The following KCNC1 variants were observed in gnomAD, a reference collection of about 807,000 sequenced individuals.
KCNC1 encodes the protein voltage-gated potassium channel KCNC1.
In KCNC1, 8 loss-of-function variants were observed where a neutral mutation model predicts 43.4. The observed-to-expected ratio is 0.18, with a 90% CI of 0.11 to 0.33. The LOEUF (loss-of-function observed/expected upper bound fraction) is 0.33. KCNC1 is among the 10% of genes least tolerant of loss of function. The pLI, the probability that KCNC1 is intolerant of heterozygous loss-of-function variation, is 1.00. For synonymous variants in KCNC1, 361 were observed against 360.5 expected (o/e 1.00, Z -0.01); for missense variants, 420 against 836.0 (o/e 0.50, Z 6.14).
chr11:17,736,566 C>A lies in KCNC1; in HGVS notation c.564C>A (p.Tyr188Ter). The A allele has an allele frequency of 6.5e-7, 1 of 1,534,078 alleles. No individual in the cohort carries two copies. Among genetic ancestry groups the A allele is most frequent in the Non-Finnish European group, 8.7e-7 (1 of 1,151,126 alleles). ...TCGAGGACCCGTACTCGTCCCGCTACGCGCGGGTAAGTGACAATTTACCCA... is the reference window on the plus strand; with the variant it reads ...TCGAGGACCCGTACTCGTCCCGCTAAGCGCGGGTAAGTGACAATTTACCCA... ...ALFEDPYSSR[Y>*]ARYVAFASLF... The change falls in exon 1 of 4, where the codon TAC (tyrosine) becomes TAA (stop). Residue 188 changes from tyrosine to a stop codon, truncating the protein, a stop_gained. Transcript: ENST00000265969. LOFTEE classifies it high-confidence loss of function. This position sits in a 1 kb window ranked among gnomAD's most constrained non-coding sequence, Gnocchi z 9.3.
intron 1 of KCNC1, among the ~76,000 whole-genome samples, chr11:17,751,294 A>T (rs1250367307): frequency 6.6e-6 from 1 of 152,192 alleles, no homozygotes; most frequent in African/African-American, 2.4e-5. Flanking sequence ...TAGATGAAAG[A>T]ATGGATAAAA....
In KCNC1 at chr11:17,768,080, C is replaced by T. The variant is rs573145165; in HGVS notation, c.571-3585C>T. 3.2e-4 allele frequency among the ~76,000 whole-genome samples: 48 copies of T among 152,288 alleles called. 1 individual carries two copies. In the South Asian group the frequency reaches 7.7e-3, roughly 24 times the overall value. On this transcript the variant is annotated intron_variant, in intron 1 of 3. Coordinates refer to ENST00000265969, the MANE Select transcript of KCNC1 (RefSeq NM_001112741.2). ...CCCTGTCTGGGCTGTTCCTGTGAGC[C>T]TCCCCATGCACTAAAGAGCTGGAGT...
In KCNC1 at chr11:17,753,850, C is replaced by T. The variant is rs189180302; in HGVS notation, c.570+17278C>T. 2.5e-3 allele frequency among the ~76,000 whole-genome samples: 387 copies of T among 152,310 alleles called. 13 individuals carry two copies. The highest frequency in any genetic ancestry group is 0.025 in the Admixed American group (378 of 15,306). ...AATTCCGATGCCCAGATTCCAGATT[C>T]GCCACTCCAGTGCCCGCATCCAGGT... is the stretch of plus-strand genomic sequence containing the variant. On this transcript the variant is annotated intron_variant, in intron 1 of 3. Coordinates refer to ENST00000265969, the MANE Select transcript of KCNC1 (RefSeq NM_001112741.2).
At position 17,771,560 on chromosome 11, in the gene KCNC1, G is replaced by A; in HGVS notation, c.571-105G>A. 2 of 960,550 alleles carry A rather than the reference G, an allele frequency of 2.1e-6. No individual in the cohort carries two copies. Among genetic ancestry groups the A allele is most frequent in the South Asian group, 1.6e-5 (1 of 63,140 alleles). 59.5% of individuals were successfully genotyped at this position (960,550 alleles called of 1,614,324 possible). Reference sequence around the variant, plus strand: ...ATGTAGCACGTGCTGCAGGGGGCCTGGTGCTGGCATCTCCCCCCGCCTGGC... The same window carrying A: ...ATGTAGCACGTGCTGCAGGGGGCCTAGTGCTGGCATCTCCCCCCGCCTGGC... On this transcript the variant is annotated intron_variant, in intron 1 of 3. Coordinates refer to ENST00000265969, the MANE Select transcript of KCNC1 (RefSeq NM_001112741.2). The surrounding 1 kb of genome is among the most constrained non-coding windows in gnomAD (Gnocchi z 4.7).
intron 1 of KCNC1, among the ~76,000 whole-genome samples, chr11:17,760,924 A>G (rs1342080576): frequency 6.6e-6 from 1 of 152,208 alleles, no homozygotes; most frequent in Non-Finnish European, 1.5e-5. Flanking sequence ...AAGACTCAGG[A>G]AGCTGTTGTC....
At chr11:17,768,116 C>T (rs1219577173) in intron 1 of KCNC1, among the ~76,000 whole-genome samples, 3 of 152,138 alleles carry the variant, frequency 2.0e-5, no homozygotes, top group African/African-American at 4.8e-5. Flanking sequence ...CGGAGATGGG[C>T]TTGCTGCCTC....
Position 17,782,178 on chromosome 11 carries a change from C to A in KCNC1, c.*444C>A. The A allele has an allele frequency of 6.4e-6, 1 of 156,222 alleles. No individual in the cohort carries two copies. Among genetic ancestry groups the A allele is most frequent in the Non-Finnish European group, 1.4e-5 (1 of 70,994 alleles). The allele number at this position is 156,222 out of a possible 1,614,324, so 9.7% of individuals were successfully genotyped here. On this transcript the variant is annotated 3_prime_UTR_variant, in exon 4 of 4. Coordinates refer to ENST00000265969, the MANE Select transcript of KCNC1 (RefSeq NM_001112741.2). The stretch of plus-strand genomic sequence containing the variant: ...TAACGGCGTTCAGTAGAAACCTGTA[C>A]ATTTCTGGGGGTGAGGGGCGAGGGG...
At chr11:17,737,011 G>C (rs1342420003) in intron 1 of KCNC1, among the ~76,000 whole-genome samples, 3 of 152,194 alleles carry the variant, frequency 2.0e-5, no homozygotes, top group African/African-American at 7.2e-5. Flanking sequence ...TGTGGGGAGG[G>C]AAGCTGGGAG....
intron 1 of KCNC1, among the ~76,000 whole-genome samples, chr11:17,760,892 G>A (rs900931629): frequency 1.5e-4 from 23 of 152,330 alleles, no homozygotes; most frequent in African/African-American, 5.3e-4. Context: ...TGCATGGGAA[G>A]CCCCGGAAGC....
intron 1 of KCNC1, among the ~76,000 whole-genome samples, chr11:17,748,130 A>T (rs1433185592): frequency 6.6e-6 from 1 of 152,232 alleles, no homozygotes; most frequent in African/African-American, 2.4e-5. Context: ...GCTGGGCAAG[A>T]TATGACAGAG....
rs755441537 is a variant in KCNC1, at chr11:17,781,705, A to C, written c.1729A>C (p.Met577Leu). The change falls in exon 4 of 4, where the codon ATG becomes CTG. Residue 577 changes from methionine (M) to leucine (L), a missense_variant. By Grantham distance (15) the Met-to-Leu change is conservative (BLOSUM62 2). Coordinates refer to ENST00000265969, the MANE Select transcript of KCNC1 (RefSeq NM_001112741.2). This position sits in a 1 kb window ranked among gnomAD's most constrained non-coding sequence, Gnocchi z 5.1. ...AGAAAGCCCTGTCATTGCTAAGTAT[A>C]TGCCGACAGAGGCTGTGAGAGTGAC... ...CKESPVIAKY[M>L]PTEAVRVT The C allele has an allele frequency of 3.9e-6, 6 of 1,551,442 alleles. No individual in the cohort carries two copies. Among genetic ancestry groups the C allele is most frequent in the Non-Finnish European group, 5.2e-6 (6 of 1,146,848 alleles).
In KCNC1 at chr11:17,736,223, G is replaced by A; in HGVS notation, c.221G>A (p.Gly74Asp). 1 of 1,613,844 alleles carries A rather than the reference G, an allele frequency of 6.2e-7. No individual in the cohort carries two copies. Among genetic ancestry groups the A allele is most frequent in the Non-Finnish European group, 8.5e-7 (1 of 1,179,912 alleles). ...CACATCCTGAACTACTACCGCACGG[G>A]CAAGCTGCACTGCCCAGCCGACGTG... ...FAHILNYYRT[G>D]KLHCPADVCG... The change falls in exon 1 of 4, where the codon GGC (glycine) becomes GAC (aspartate). Residue 74 changes from glycine (G) to aspartate (D), a missense_variant. This residue lies in a region of KCNC1 where 22 missense variants were observed against 104.8 expected (regional missense o/e 0.21). Transcript: ENST00000265969. The surrounding 1 kb of genome is among the most constrained non-coding windows in gnomAD (Gnocchi z 9.3).
intron 1 of KCNC1, among the ~76,000 whole-genome samples, chr11:17,754,431 G>A (rs944773237): frequency 6.6e-6 from 1 of 152,200 alleles, no homozygotes; most frequent in African/African-American, 2.4e-5. Flanking sequence ...CAGGGTAGAC[G>A]CAGATGTGGT....
intron 1 of KCNC1, among the ~76,000 whole-genome samples, chr11:17,756,261 C>T (rs1378369008): frequency 2.0e-5 from 3 of 152,186 alleles, no homozygotes; most frequent in South Asian, 2.1e-4. Context: ...AATGCCTGTG[C>T]ATTCCCCTTG....
At chr11:17,751,783 C>A (rs1848971288) in intron 1 of KCNC1, among the ~76,000 whole-genome samples, 1 of 152,176 alleles carries the variant, frequency 6.6e-6, no homozygotes, top group African/African-American at 2.4e-5. Flanking sequence ...CTGGCCAAAG[C>A]CTGAAGGGCA....
intron 1 of KCNC1, among the ~76,000 whole-genome samples, chr11:17,741,128 A>C (rs1355994583): frequency 6.6e-6 from 1 of 151,692 alleles, no homozygotes; most frequent in Non-Finnish European, 1.5e-5. Context: ...CCTCCCAGCC[A>C]CCCCAAGGGC....
At chr11:17,749,926 C>T (rs1848946546) in intron 1 of KCNC1, among the ~76,000 whole-genome samples, 1 of 152,226 alleles carries the variant, frequency 6.6e-6, no homozygotes, top group Admixed American at 6.5e-5. Context: ...GCAGAAAGAG[C>T]ATTAGGGAGA....
intron 1 of KCNC1, among the ~76,000 whole-genome samples, chr11:17,755,823 GT>G (rs1849016698): frequency 6.6e-6 from 1 of 152,264 alleles, no homozygotes; most frequent in South Asian, 2.1e-4. Context: ...CTTTGAGAGT[GT>G]GCTGTTTATG....
chr11:17,779,692 G>A lies in KCNC1; in HGVS notation c.1693+48G>A, dbSNP rs891893245. The stretch of plus-strand genomic sequence containing the variant: ...CCGTGCATCGTCCGGGCCGCCTCGC[G>A]CTCCTGCAGATGGGTGGGCAGGGCG... On this transcript the variant is annotated intron_variant, in intron 3 of 3. Transcript: ENST00000265969. This position sits in a 1 kb window ranked among gnomAD's most constrained non-coding sequence, Gnocchi z 7.2. 1.1e-5 allele frequency: 15 copies of A among 1,386,558 alleles called. No individual in the cohort carries two copies. In the Admixed American group the frequency reaches 2.5e-4, roughly 23 times the overall value. 85.9% of individuals were successfully genotyped at this position (1,386,558 alleles called of 1,614,324 possible). A position where few individuals can be genotyped will look rare whatever the true frequency, so the allele number is the denominator to read the frequency against.
Sources: allele counts gnomAD v4.1 joint callset (sites outside exome capture counted in the v4.1 genomes callset), GRCh38; gene constraint gnomAD v4.1.1; regional missense constraint gnomAD v4.1.1; non-coding constraint Gnocchi (gnomAD v3.1); transcripts MANE v1.5; gene names NCBI Gene and HGNC (gene_info 2026-07-23, HGNC 2026-07-21).